The following DNER variants were observed in gnomAD, a reference collection of about 807,000 sequenced individuals.
DNER encodes delta/notch like EGF repeat containing, also known as delta and Notch-like epidermal growth factor-related receptor.
In DNER, 33 loss-of-function variants were observed where a neutral mutation model predicts 78.2. The observed-to-expected ratio is 0.42, with a 90% confidence interval of 0.32 to 0.56. The LOEUF is 0.56. DNER is among the 20% of genes least tolerant of loss of function. The pLI is 0.11. For missense variants in DNER, 918 were observed against 975.3 expected, an observed-to-expected ratio of 0.94 and a Z score of 0.78; for synonymous variants, 417 against 384.8, an observed-to-expected ratio of 1.08 and a Z score of -0.98.
At chr2:229,491,496 G>C (rs1044015845) in intron 6 of DNER, among the ~76,000 whole-genome samples, 7 of 152,158 alleles carry the variant, frequency 4.6e-5, no homozygotes. Flanking sequence ...TTAGGGAAAC[G>C]CAAACACAGA....
intron 1 of DNER, among the ~76,000 whole-genome samples, chr2:229,683,587 T>C (rs1331930377): frequency 6.6e-6 from 1 of 152,138 alleles, no homozygotes; most frequent in African/African-American, 2.4e-5. Flanking sequence ...ATCAGGTCAG[T>C]TCAGAAAAGC....
intron 8 of DNER, among the ~76,000 whole-genome samples, chr2:229,422,690 G>A (rs927954237): frequency 5.9e-5 from 9 of 152,150 alleles, no homozygotes; most frequent in Admixed American, 1.3e-4. Context: ...GGAAGTATGC[G>A]TGTAAATGGC....
intron 1 of DNER, among the ~76,000 whole-genome samples, chr2:229,599,706 A>G (rs1319029490): frequency 6.6e-6 from 1 of 152,258 alleles, no homozygotes; most frequent in Non-Finnish European, 1.5e-5. Context: ...AATGTACAAC[A>G]TACTATAAAG....
chr2:229,513,363 C>T (rs1695910693), intron 5 of DNER, among the ~76,000 whole-genome samples: 1 of 152,202 alleles, frequency 6.6e-6, no homozygotes. Flanking sequence ...AAATGTCCAA[C>T]CCAGACCGTC....
intron 4 of DNER, among the ~76,000 whole-genome samples, chr2:229,552,864 G>A (rs1184193314): frequency 6.6e-6 from 1 of 152,152 alleles, no homozygotes; most frequent in Non-Finnish European, 1.5e-5. Context: ...GACTATGGGA[G>A]GAGAGGAGCC....
Position 229,477,156 on chromosome 2 carries a change from G to C in DNER, c.1245C>G (p.Thr415=), listed in dbSNP as rs1695054270. 1 of 1,613,556 alleles carries C rather than the reference G, an allele frequency of 6.2e-7. No homozygotes were observed. Among genetic ancestry groups the C allele is most frequent in the African/African-American group, 1.3e-5 (1 of 74,902 alleles). Residue 415 remains threonine (T), a synonymous_variant, in exon 7 of 13, where the codon ACC becomes ACG. Coordinates refer to ENST00000341772, the MANE Select transcript of DNER (RefSeq NM_139072.4). ...ATCISSLSGF[T]CQCPEGYFGS... is the part of the protein sequence containing the mutation. ...ACTAATTACCTTCTGGACACTGGCA[G>C]GTGAATCCACTGAGACTGGAAATGC... is the stretch of plus-strand genomic sequence containing the variant.
In DNER at chr2:229,426,845, T is replaced by TCA. The variant is rs369170718; in HGVS notation, c.1487-8617_1487-8616dup. Among the ~76,000 whole-genome samples the TCA allele has an allele frequency of 9.4e-4, 143 of 151,426 alleles. 1 individual carries two copies. The highest frequency in any genetic ancestry group is 1.9e-3 in the African/African-American group (77 of 41,380). ...TTTTCACTGAGTAATCGTGCTTCTG[T>TCA]CACACACACACACACAACACACACA... On this transcript the variant is annotated intron_variant, in intron 8 of 12. Transcript: ENST00000341772.
At chr2:229,686,972 C>T (rs1184129708) in intron 1 of DNER, among the ~76,000 whole-genome samples, 2 of 152,196 alleles carry the variant, frequency 1.3e-5, no homozygotes, top group Non-Finnish European at 2.9e-5. Context: ...TTTTCAATGT[C>T]ACTCTGTCAA....
At position 229,512,944 on chromosome 2, in the gene DNER, AC is replaced by A. The variant is rs1242612407; in HGVS notation, c.994-9del. On this transcript the variant is annotated splice_polypyrimidine_tract_variant and intron_variant, in intron 5 of 12. Transcript: ENST00000341772. ...GGTACAGGAAAAAGTTGCCTAAAAC[AC>A]AAAAAAAGCACAGTGTCTATTACCT... is the stretch of plus-strand genomic sequence containing the variant. The A allele has an allele frequency of 2.5e-6, 4 of 1,613,256 alleles. No homozygotes were observed. Among genetic ancestry groups the A allele is most frequent in the Non-Finnish European group, 3.4e-6 (4 of 1,179,730 alleles).
At chr2:229,505,869 G>T (rs986995040) in intron 6 of DNER, among the ~76,000 whole-genome samples, 1 of 152,186 alleles carries the variant, frequency 6.6e-6, no homozygotes, top group Admixed American at 6.5e-5. Flanking sequence ...GAAAATGGGA[G>T]CTTTCAATCT....
intron 5 of DNER, among the ~76,000 whole-genome samples, chr2:229,536,931 G>A (rs984074458): frequency 6.6e-6 from 1 of 152,134 alleles, no homozygotes; most frequent in African/African-American, 2.4e-5. Context: ...TTGCTCTGGA[G>A]ACAGAGAAAC....
rs1343985330 is a variant in DNER at position 229,394,815 on chromosome 2, G to C, written c.1724-6419C>G. The stretch of plus-strand genomic sequence containing the variant: ...TTAAAATTAGACAAGATTTTCTAAA[G>C]AGCTCTATTGTCAAACATACATCTG... On this transcript the variant is annotated intron_variant, in intron 10 of 12. Coordinates refer to ENST00000341772, the MANE Select transcript of DNER (RefSeq NM_139072.4). Among the ~76,000 whole-genome samples the C allele has an allele frequency of 2.6e-5, 4 of 152,206 alleles. No homozygotes were observed. The East Asian group carries it at 5.8e-4, about 22-fold the overall frequency.
At chr2:229,609,265 C>T (rs938809124) in intron 1 of DNER, among the ~76,000 whole-genome samples, 3 of 152,170 alleles carry the variant, frequency 2.0e-5, no homozygotes, top group Admixed American at 2.0e-4. Context: ...CATTCAAGCA[C>T]CTTCTCTGTT....
At chr2:229,408,154 TA>T (rs200459925) in intron 9 of DNER, among the ~76,000 whole-genome samples, 9 of 149,654 alleles carry the variant, frequency 6.0e-5, no homozygotes, top group Non-Finnish European at 6.0e-5. Context: ...TTACTTTTTT[TA>T]AAAAAAAAAG....
chr2:229,656,760 G>C (rs4973215), intron 1 of DNER, among the ~76,000 whole-genome samples: 1 of 151,886 alleles, frequency 6.6e-6, no homozygotes, highest in Non-Finnish European at 1.5e-5. Flanking sequence ...GTTTTTGAGA[G>C]ATTTTGATGT....
intron 4 of DNER, among the ~76,000 whole-genome samples, chr2:229,572,352 G>A (rs888077029): frequency 5.9e-5 from 9 of 152,148 alleles, no homozygotes; most frequent in Non-Finnish European, 1.0e-4. Flanking sequence ...TTGATCTTCC[G>A]ATTAATCTCT....
intron 1 of DNER, among the ~76,000 whole-genome samples, chr2:229,675,840 G>C (rs1699292785): frequency 6.6e-6 from 1 of 152,186 alleles, no homozygotes; most frequent in Non-Finnish European, 1.5e-5. Context: ...GGGCCAGTGA[G>C]AACCATGCAC....
intron 1 of DNER, among the ~76,000 whole-genome samples, chr2:229,611,099 G>A (rs1698036912): frequency 6.6e-6 from 1 of 152,254 alleles, no homozygotes; most frequent in African/African-American, 2.4e-5. Context: ...ATGTGAACAG[G>A]AAATGAGGTG....
chr2:229,631,219 A>G (rs752064630), intron 1 of DNER, among the ~76,000 whole-genome samples: 7 of 151,836 alleles, frequency 4.6e-5, no homozygotes, highest in Non-Finnish European at 1.0e-4. Flanking sequence ...TTATTTTCAT[A>G]CCTGCAGGGA....
Sources: gnomAD v4.1 joint callset for allele counts (sites outside exome capture counted in the v4.1 genomes callset) on GRCh38, gnomAD v4.1.1 for gene constraint, MANE v1.5 for transcripts, NCBI Gene and HGNC (gene_info 2026-07-23, HGNC 2026-07-21) for gene names.